The following ART4 variants were observed in gnomAD, a reference collection of about 807,000 sequenced individuals.
ART4 encodes ADP-ribosyltransferase 4 (inactive) (Dombrock blood group).
ART4 carries 14 observed loss-of-function variants against 24.2 expected under a neutral mutation model. The ratio of observed to expected loss-of-function variants is 0.58; its 90% CI spans 0.38 to 0.90. ART4 has a LOEUF of 0.90. Among genes scored for constraint, ART4 ranks in the 40% least tolerant of loss-of-function variants. The probability of loss-of-function intolerance (pLI) is 0.00; values close to 1 mark genes in which losing one functional copy is unlikely to be tolerated. For missense variants in ART4, 356 were observed against 366.6 expected, an observed-to-expected ratio of 0.97 and a Z score of 0.24; for synonymous variants, 145 against 139.9, an observed-to-expected ratio of 1.04 and a Z score of -0.26.
Position 14,828,999 on chromosome 12 carries a change from C to G in ART4, c.*372G>C, listed in dbSNP as rs1950375857. ...TTCCACAAAAGTACCCTGATTGTAT[C>G]TCACAGGCTCTGATTGGATCATTTT... On this transcript the variant is annotated 3_prime_UTR_variant, in exon 3 of 3. Transcript: ENST00000228936. 2 of 156,240 alleles carry G rather than the reference C, an allele frequency of 1.3e-5. No individual in the cohort carries two copies. Among genetic ancestry groups the G allele is most frequent in the African/African-American group, 4.8e-5 (2 of 41,564 alleles). The allele number at this position is 156,240 out of a possible 1,614,324, so 9.7% of individuals were successfully genotyped here. A position where few individuals can be genotyped will look rare whatever the true frequency, so the allele number is the denominator to read the frequency against.
At position 14,841,060 on chromosome 12, in the gene ART4, C is replaced by A; in HGVS notation, c.238G>T (p.Gly80Trp). 1 of 1,614,190 alleles carries A rather than the reference C, an allele frequency of 6.2e-7. No homozygotes were observed. The highest frequency in any genetic ancestry group is 8.5e-7 in the Non-Finnish European group (1 of 1,180,024). ...TCTATGTCTTTTGTGAAATAATCCC[C>A]TTGAGTTAGTTTCTCCATAACCTGT... ...SKQVMEKLTQ[G>W]DYFTKDIEAQ... The change falls in exon 2 of 3, where the codon GGG becomes TGG. Residue 80 changes from glycine to tryptophan, a missense_variant. Transcript: ENST00000228936.
At chr12:14,833,780 A>T (rs1204292921) in intron 2 of ART4, among the ~76,000 whole-genome samples, 1 of 152,216 alleles carries the variant, frequency 6.6e-6, no homozygotes, top group Non-Finnish European at 1.5e-5. Flanking sequence ...GACGTGCAGT[A>T]TACCAAGTCT....
chr12:14,826,555 C>CTT lies in ART4; in HGVS notation c.*2815_*2816insAA, dbSNP rs1170514788. The CTT allele has an allele frequency of 5.9e-5, 9 of 152,136 alleles. No homozygotes were observed. Among genetic ancestry groups the CTT allele is most frequent in the African/African-American group, 2.2e-4 (9 of 41,422 alleles). 9.4% of individuals were successfully genotyped at this position (152,136 alleles called of 1,614,324 possible). A position where few individuals can be genotyped will look rare whatever the true frequency, so the allele number is the denominator to read the frequency against. ...CTATTGCTGCTTGTGCCTAGAGAGT[C>CTT]AACGCTTTAGGAGAATTGTCTTACT... is the stretch of plus-strand genomic sequence containing the variant. On this transcript the variant is annotated 3_prime_UTR_variant, in exon 3 of 3. Transcript: ENST00000228936.
intron 2 of ART4, among the ~76,000 whole-genome samples, chr12:14,830,056 A>T (rs1351392191): frequency 6.6e-6 from 1 of 152,026 alleles, no homozygotes; most frequent in Non-Finnish European, 1.5e-5. Flanking sequence ...TGTGTATTAC[A>T]TGTCCATCCA....
At chr12:14,832,611 T>C (rs1404716617) in intron 2 of ART4, among the ~76,000 whole-genome samples, 1 of 152,230 alleles carries the variant, frequency 6.6e-6, no homozygotes, top group Non-Finnish European at 1.5e-5. Flanking sequence ...ACCTATTTCC[T>C]TCCCTGCACC....
Position 14,836,219 on chromosome 12 carries a change from TTCTTTC to T in ART4, c.853+4220_853+4225del, listed in dbSNP as rs551342049. Among the ~76,000 whole-genome samples, 1,362 of 152,318 alleles carry T rather than the reference TTCTTTC, an allele frequency of 8.9e-3. 15 individuals carry two copies. The highest frequency in any genetic ancestry group is 0.046 in the South Asian group (220 of 4,820). ...GCAACCTCAGCATACAATTTTTTCTTTCTTTCTATTAAGTTGAGAACTTTAAACTTT... is the reference window on the plus strand; with the variant it reads ...GCAACCTCAGCATACAATTTTTTCTTTATTAAGTTGAGAACTTTAAACTTT... On this transcript the variant is annotated intron_variant, in intron 2 of 2. Coordinates refer to ENST00000228936, the MANE Select transcript of ART4 (RefSeq NM_021071.4).
Position 14,840,977 on chromosome 12 carries a change from T to C in ART4, c.321A>G (p.Gln107=). Residue 107 remains glutamine (Q), a synonymous_variant, in exon 2 of 3, where the codon CAA becomes CAG. Coordinates refer to ENST00000228936, the MANE Select transcript of ART4 (RefSeq NM_021071.4). ...TCATGTTCTGGGGTAGAACTTTTCC[T>C]TGGTTAAGCCAGGCTAAGTGGGCTT... The part of the protein sequence containing the change: ...WQKAHLAWLN[Q]GKVLPQNMTT... 1 of 1,614,218 alleles carries C rather than the reference T, an allele frequency of 6.2e-7. No homozygotes were observed. Among genetic ancestry groups the C allele is most frequent in the Non-Finnish European group, 8.5e-7 (1 of 1,180,038 alleles).
chr12:14,839,664 A>G (rs1380699769), intron 2 of ART4, among the ~76,000 whole-genome samples: 1 of 152,208 alleles, frequency 6.6e-6, no homozygotes, highest in Non-Finnish European at 1.5e-5. Context: ...GAAAGGTCCA[A>G]TCAACTCTTA....
At chr12:14,834,543 T>C (rs968090134) in intron 2 of ART4, among the ~76,000 whole-genome samples, 1 of 152,224 alleles carries the variant, frequency 6.6e-6, no homozygotes, top group African/African-American at 2.4e-5. Context: ...CAATTGCCTA[T>C]ATTTCTCTAG....
chr12:14,828,129 C>G lies in ART4; in HGVS notation c.*1242G>C, dbSNP rs753230130. On this transcript the variant is annotated 3_prime_UTR_variant, in exon 3 of 3. Transcript: ENST00000228936. ...AGAGGACATTTCCAGCTATACAATT[C>G]AACAATTTATACTTCTTTGCATGTA... 1 of 152,158 alleles carries G rather than the reference C, an allele frequency of 6.6e-6. No individual in the cohort carries two copies. Among genetic ancestry groups the G allele is most frequent in the Non-Finnish European group, 1.5e-5 (1 of 68,036 alleles). The allele number at this position is 152,158 out of a possible 1,614,324, so 9.4% of individuals were successfully genotyped here.
chr12:14,834,408 A>C (rs897779406), intron 2 of ART4, among the ~76,000 whole-genome samples: 6 of 152,200 alleles, frequency 3.9e-5, no homozygotes, highest in Non-Finnish European at 7.4e-5. Context: ...AAAAGTTTTG[A>C]GTACTTAACA....
chr12:14,838,182 A>G (rs1466600493), intron 2 of ART4, among the ~76,000 whole-genome samples: 1 of 152,206 alleles, frequency 6.6e-6, no homozygotes, highest in East Asian at 1.9e-4. Flanking sequence ...AAACTAAGTT[A>G]AAGTTGCATT....
In ART4 at chr12:14,840,511, T is replaced by C. The variant is rs772948541; in HGVS notation, c.787A>G (p.Arg263Gly). The C allele has an allele frequency of 6.2e-7, 1 of 1,614,158 alleles. No homozygotes were observed. The highest frequency in any genetic ancestry group is 8.5e-7 in the Non-Finnish European group (1 of 1,180,008). The part of the protein sequence containing the change: ...FKVINMSYHP[R>G]GDWLQLRSTG... ...GACCTCAACTGCAACCAGTCTCCTC[T>C]TGGGTGGTAGCTCATATTTATAACT... Residue 263 changes from arginine (R) to glycine (G), a missense_variant, in exon 2 of 3, where the codon AGA becomes GGA. Physicochemically the swap from Arg to Gly is moderately radical, Grantham distance 125. Coordinates refer to ENST00000228936, the MANE Select transcript of ART4 (RefSeq NM_021071.4).
intron 2 of ART4, among the ~76,000 whole-genome samples, chr12:14,831,634 C>G (rs149046444): frequency 9.5e-4 from 145 of 152,164 alleles, no homozygotes; most frequent in African/African-American, 3.2e-3. Context: ...GACATTTTCT[C>G]TCCTTTATTT....
In ART4 at chr12:14,842,964, C is replaced by T. The variant is rs982027260; in HGVS notation, c.144+6G>A. ...AAAGAGATCACCCCCTCAATTGTCCCCCTACCTCAGAACCCTCTGTGGGTC... is the reference window on the plus strand; with the variant it reads ...AAAGAGATCACCCCCTCAATTGTCCTCCTACCTCAGAACCCTCTGTGGGTC... On this transcript the variant is annotated splice_donor_region_variant and intron_variant, in intron 1 of 2. Coordinates refer to ENST00000228936, the MANE Select transcript of ART4 (RefSeq NM_021071.4). 6.2e-7 allele frequency: 1 copy of T among 1,609,176 alleles called. No homozygotes were observed. The highest frequency in any genetic ancestry group is 1.1e-5 in the South Asian group (1 of 90,376).
intron 1 of ART4, 37 bp from the exon 2 acceptor site, chr12:14,841,190 A>T (rs1257209638): frequency 1.3e-6 from 2 of 1,539,146 alleles, no homozygotes; most frequent in Non-Finnish European, 1.7e-6. Flanking sequence ...TAATTTTTCA[A>T]ATCAGATGGT....
intron 2 of ART4, 67 bp downstream of exon 2, chr12:14,840,378 A>G: frequency 7.2e-7 from 1 of 1,387,596 alleles, no homozygotes; most frequent in Non-Finnish European, 9.8e-7. Context: ...CCCACTGAGA[A>G]AAAATAACTT....
At chr12:14,836,250 T>C (rs2137301400) in intron 2 of ART4, among the ~76,000 whole-genome samples, 1 of 152,318 alleles carries the variant, frequency 6.6e-6, no homozygotes, top group South Asian at 2.1e-4. Context: ...CTTTAAACTT[T>C]TCATTCAAAG....
Position 14,840,922 on chromosome 12 carries a change from A to T in ART4, c.376T>A (p.Tyr126Asn), listed in dbSNP as rs1386492291. 2 of 1,614,126 alleles carry T rather than the reference A, an allele frequency of 1.2e-6. No individual in the cohort carries two copies. Among genetic ancestry groups the T allele is most frequent in the Non-Finnish European group, 1.7e-6 (2 of 1,180,048 alleles). Residue 126 changes from tyrosine to asparagine, a missense_variant, in exon 2 of 3, where the codon TAT (tyrosine) becomes AAT (asparagine). Tyr to Asn is a moderately radical substitution (Grantham distance 143, BLOSUM62 -2). Coordinates refer to ENST00000228936, the MANE Select transcript of ART4 (RefSeq NM_021071.4). ...TTTHAVAILF[Y>N]TLNSNVHSDF... ...GAATGAACATTGCTGTTCAATGTAT[A>T]AAACAAAATAGCCACAGCGTGTGTG...
Sources: allele counts gnomAD v4.1 joint callset (sites outside exome capture counted in the v4.1 genomes callset), GRCh38; gene constraint gnomAD v4.1.1; transcripts MANE v1.5; gene names NCBI Gene and HGNC (gene_info 2026-07-23, HGNC 2026-07-21).